CAPN14: variants seen among roughly 807,000 people sequenced by gnomAD.
CAPN14 encodes calpain-14.
Under a neutral mutation model 101.3 loss-of-function variants are expected in CAPN14, and 94 were observed. The ratio of observed to expected loss-of-function variants is 0.93; its 90% CI spans 0.79 to 1.10. The LOEUF (loss-of-function observed/expected upper bound fraction) is 1.10. Among genes scored for constraint, CAPN14 ranks in the 50% least tolerant of loss-of-function variants. The probability of loss-of-function intolerance (pLI) is 0.00; values close to 1 mark genes in which losing one functional copy is unlikely to be tolerated. For synonymous variants in CAPN14, 338 were observed against 317.9 expected (o/e 1.06, Z -0.67); for missense variants, 837 against 828.4 (o/e 1.01, Z -0.13).
At chr2:31,224,150 G>A (rs953068604) in intron 2 of CAPN14, among the ~76,000 whole-genome samples, 5 of 152,072 alleles carry the variant, frequency 3.3e-5, no homozygotes, top group Non-Finnish European at 5.9e-5. Flanking sequence ...GTATTCTTGT[G>A]GCTATCAATA....
intron 17 of CAPN14, among the ~76,000 whole-genome samples, chr2:31,179,540 T>C (rs1680489278): frequency 6.6e-6 from 1 of 152,248 alleles, no homozygotes; most frequent in Admixed American, 6.5e-5. Flanking sequence ...TACATGTGCA[T>C]GTGTCTTTAC....
upstream of CAPN14, among the ~76,000 whole-genome samples, chr2:31,219,881 G>A (rs4952069): frequency 0.34 from 51,913 of 151,966 alleles, 9,157 homozygotes; most frequent in Admixed American, 0.44. Flanking sequence ...ACATTCAAAG[G>A]AGGTCAAATG....
chr2:31,207,241 G>C (rs1682145607), intron 1 of CAPN14, among the ~76,000 whole-genome samples: 1 of 152,110 alleles, frequency 6.6e-6, no homozygotes, highest in South Asian at 2.1e-4. Context: ...AGTCTAACTT[G>C]AGTCCTTTCC....
Position 31,193,271 on chromosome 2 carries a change from G to A in CAPN14, c.974C>T (p.Thr325Ile). 6.4e-7 allele frequency: 1 copy of A among 1,551,762 alleles called. No homozygotes were observed. Among genetic ancestry groups the A allele is most frequent in the Non-Finnish European group, 8.7e-7 (1 of 1,147,026 alleles). Residue 325 changes from threonine (T) to isoleucine (I), a missense_variant, in exon 10 of 22, where the codon ACA becomes ATA. Thr to Ile is a moderately conservative substitution (Grantham distance 89). Coordinates refer to ENST00000403897, the MANE Select transcript of CAPN14 (RefSeq NM_001145122.2). ...ACAGATAACCAGGAGCACGAAATGTGTTTTAAAGTCCTGCAGCGTCATCCT... is the reference window on the plus strand; with the variant it reads ...ACAGATAACCAGGAGCACGAAATGTATTTTAAAGTCCTGCAGCGTCATCCT... ...EFWMTLQDFK[T>I]HFVLLVICKL...
At chr2:31,187,152 C>T (rs1243136266) in intron 15 of CAPN14, among the ~76,000 whole-genome samples, 1 of 152,180 alleles carries the variant, frequency 6.6e-6, no homozygotes, top group Non-Finnish European at 1.5e-5. Context: ...CCCCAGATTT[C>T]CAGTATGTTT....
intron 14 of CAPN14, 48 bp from the exon 15 acceptor site, chr2:31,187,862 C>T (rs764072): frequency 1.2e-5 from 17 of 1,473,366 alleles, no homozygotes; most frequent in East Asian, 4.9e-5. Context: ...CCTGTATAAA[C>T]GGACTTTCGT....
chr2:31,214,659 C>G (rs537400899), intron 1 of CAPN14, among the ~76,000 whole-genome samples: 1 of 152,142 alleles, frequency 6.6e-6, no homozygotes, highest in Non-Finnish European at 1.5e-5. Flanking sequence ...TCCCTACTCA[C>G]CCCCAGCTGC....
Position 31,174,627 on chromosome 2 carries a change from T to A in CAPN14, c.*54A>T. The A allele has an allele frequency of 6.5e-7, 1 of 1,546,044 alleles. No homozygotes were observed. Among genetic ancestry groups the A allele is most frequent in the Non-Finnish European group, 8.8e-7 (1 of 1,142,430 alleles). On this transcript the variant is annotated 3_prime_UTR_variant, in exon 22 of 22. Coordinates refer to ENST00000403897, the MANE Select transcript of CAPN14 (RefSeq NM_001145122.2). Reference sequence around the variant, plus strand: ...GCATGGGTTGGTCTCAGCCAAAGGCTGCTCTTGGGCCACATGCAGAGTCTT... The same window carrying A: ...GCATGGGTTGGTCTCAGCCAAAGGCAGCTCTTGGGCCACATGCAGAGTCTT...
intron 18 of CAPN14, among the ~76,000 whole-genome samples, chr2:31,178,174 T>C (rs1442691841): frequency 1.3e-5 from 2 of 152,178 alleles, no homozygotes; most frequent in Non-Finnish European, 2.9e-5. Context: ...TGAGCAATGA[T>C]TGGAAGAGCA....
intron 3 of CAPN14, 145 bp from the exon 4 acceptor site, chr2:31,202,397 G>A (rs1251953156): frequency 1.6e-6 from 1 of 638,778 alleles, no homozygotes; most frequent in South Asian, 2.0e-5. Context: ...CGGATGATGA[G>A]TGAGCAGAGG....
At chr2:31,191,364 CA>C in intron 12 of CAPN14, 34 bp downstream of exon 12, 1 of 1,539,952 alleles carries the variant, frequency 6.5e-7, no homozygotes, top group East Asian at 2.5e-5. Context: ...GATGTCACCC[CA>C]AACTAGGGCC....
At chr2:31,221,923 A>G (rs980478755), upstream of CAPN14, among the ~76,000 whole-genome samples, 5 of 152,178 alleles carry the variant, frequency 3.3e-5, no homozygotes, top group African/African-American at 1.2e-4. Flanking sequence ...AGCAGCCCCA[A>G]TTCCTGGGAG....
In CAPN14 at chr2:31,203,065, C is replaced by T. The variant is rs1181529970; in HGVS notation, c.295+5G>A. The stretch of plus-strand genomic sequence containing the variant: ...TGTCTGTCTCTCGGGGCTGTGCAAA[C>T]TTACCTACTATCCCCTGGCACAGAT... On this transcript the variant is annotated splice_donor_5th_base_variant and intron_variant, in intron 3 of 21. Transcript: ENST00000403897. 3.2e-6 allele frequency: 5 copies of T among 1,551,298 alleles called. No homozygotes were observed. In the African/African-American group the frequency reaches 5.5e-5, roughly 17 times the overall value.
rs76418080 is a variant in CAPN14, at chr2:31,230,405, T to C, written c.-177+3386A>G. 0.032 allele frequency among the ~76,000 whole-genome samples: 4,849 copies of C among 152,326 alleles called. 273 individuals are homozygous for C. The highest frequency in any genetic ancestry group is 0.11 in the African/African-American group (4,566 of 41,552). ...ATGGAAGGAGATAGGTCATAGGACA[T>C]GCACATCTTCAGCTTCACTAAGCAA... On this transcript the variant is annotated intron_variant and NMD_transcript_variant, in intron 1 of 21. Coordinates refer to the CAPN14 transcript ENST00000398824. The surrounding 1 kb of genome is among the most constrained non-coding windows in gnomAD (Gnocchi z 4.3).
At chr2:31,185,416 T>G (rs1244019788) in intron 16 of CAPN14, among the ~76,000 whole-genome samples, 2 of 152,220 alleles carry the variant, frequency 1.3e-5, no homozygotes, top group African/African-American at 4.8e-5. Context: ...TCTACAGTAT[T>G]TCTCTGATTT....
At chr2:31,190,886 C>T (rs1681144914) in intron 12 of CAPN14, among the ~76,000 whole-genome samples, 1 of 152,224 alleles carries the variant, frequency 6.6e-6, no homozygotes, top group African/African-American at 2.4e-5. Context: ...CCTGACCCCT[C>T]CTGGCGGCCA....
chr2:31,206,406 C>A (rs1442604033), intron 1 of CAPN14, among the ~76,000 whole-genome samples: 6 of 152,178 alleles, frequency 3.9e-5, no homozygotes, highest in African/African-American at 1.4e-4. Flanking sequence ...ACGCCCGCCA[C>A]CACACCCAGC....
intron 20 of CAPN14, 106 bp downstream of exon 20, chr2:31,176,920 T>G: frequency 2.3e-6 from 2 of 852,090 alleles, no homozygotes; most frequent in South Asian, 1.7e-5. Context: ...TGGTCTGCTG[T>G]TTCTGGGATG....
rs374251993 is a variant in CAPN14 at position 31,178,193 on chromosome 2, C to T, written c.1779+318G>A. Among the ~76,000 whole-genome samples, 3 of 152,128 alleles carry T rather than the reference C, an allele frequency of 2.0e-5. No homozygotes were observed. The South Asian group carries it at 6.2e-4, about 32-fold the overall frequency. Reference sequence around the variant, plus strand: ...CAATGATTGGAAGAGCAAGAAGGAGCAAATTTATGAAAGACTTTAAATGCC... The same window carrying T: ...CAATGATTGGAAGAGCAAGAAGGAGTAAATTTATGAAAGACTTTAAATGCC... On this transcript the variant is annotated intron_variant, in intron 18 of 21. Transcript: ENST00000403897.
Sources: allele counts gnomAD v4.1 joint callset (sites outside exome capture counted in the v4.1 genomes callset), GRCh38; gene constraint gnomAD v4.1.1; non-coding constraint Gnocchi (gnomAD v3.1); transcripts MANE v1.5; gene names NCBI Gene and HGNC (gene_info 2026-07-23, HGNC 2026-07-21).